The following PCDHA2 variants were observed in gnomAD, a reference collection of about 807,000 sequenced individuals.
PCDHA2 encodes the protein protocadherin alpha-2.
PCDHA2 carries 58 observed loss-of-function variants against 66.0 expected under a neutral mutation model. That is an observed-to-expected ratio of 0.88 (90% CI 0.71 to 1.09). The LOEUF is 1.09. PCDHA2 is among the 50% of genes least tolerant of loss of function. PCDHA2 has a pLI of 0.00. For missense variants in PCDHA2, 1,267 were observed against 1,242.3 expected (o/e 1.02, Z -0.30); for synonymous variants, 634 against 554.0 (o/e 1.14, Z -2.03).
At chr5:140,816,373 T>C (rs2126671118) in intron 1 of PCDHA2, 4 of 152,242 alleles carry the variant, frequency 2.6e-5, no homozygotes, top group Non-Finnish European at 4.4e-5. Flanking sequence ...ATATTTTCTA[T>C]CTGCTGAAAT....
At chr5:140,875,644 G>A in intron 1 of PCDHA2, 1 of 1,613,736 alleles carries the variant, frequency 6.2e-7, no homozygotes, top group Non-Finnish European at 8.5e-7. Flanking sequence ...GGAGCTGGCG[G>A]AGCTGGTGCC....
At chr5:140,851,276 T>C in intron 1 of PCDHA2, 3 of 1,056,768 alleles carry the variant, frequency 2.8e-6, no homozygotes, top group Non-Finnish European at 3.5e-6. Context: ...TTGTATTGTT[T>C]ATAAGAAACC....
chr5:140,841,949 T>C, intron 1 of PCDHA2: 1 of 1,613,920 alleles, frequency 6.2e-7, no homozygotes, highest in Non-Finnish European at 8.5e-7. Flanking sequence ...TGCGCACCAC[T>C]TATTCCTGAC....
chr5:140,911,234 C>T (rs1554194655), intron 1 of PCDHA2, among the ~76,000 whole-genome samples: 1 of 151,890 alleles, frequency 6.6e-6, no homozygotes, highest in East Asian at 1.9e-4. Context: ...TTTCTTCTGG[C>T]AAAAAAAGTT....
chr5:140,823,878 C>A lies in PCDHA2; in HGVS notation c.2388+26526C>A, dbSNP rs142924665. On this transcript the variant is annotated intron_variant, in intron 1 of 3. Coordinates refer to ENST00000526136, the MANE Select transcript of PCDHA2 (RefSeq NM_018905.3). The stretch of plus-strand genomic sequence containing the variant: ...TGGATGTCAACGTGTACCTGATCAT[C>A]GCCATCTGTGCGGTGTCCAGCCTGC... 6,707 of 1,613,924 alleles carry A rather than the reference C, an allele frequency of 4.2e-3. 22 individuals are homozygous for A. Among genetic ancestry groups the A allele is most frequent in the Non-Finnish European group, 5.2e-3 (6,149 of 1,179,944 alleles).
At chr5:140,821,880 G>A (rs2150111608) in intron 1 of PCDHA2, 4 of 1,614,104 alleles carry the variant, frequency 2.5e-6, no homozygotes, top group Non-Finnish European at 3.4e-6. Flanking sequence ...ACTCGATCCC[G>A]GAGGAAGCCA....
At chr5:140,884,440 G>A in intron 1 of PCDHA2, 1 of 1,613,830 alleles carries the variant, frequency 6.2e-7, no homozygotes, top group Non-Finnish European at 8.5e-7. Flanking sequence ...TGCGGTGCTC[G>A]GCACCGCCCA....
chr5:140,887,885 A>G (rs1281444456), intron 1 of PCDHA2, among the ~76,000 whole-genome samples: 1 of 152,144 alleles, frequency 6.6e-6, no homozygotes, highest in Non-Finnish European at 1.5e-5. Context: ...TTGTAGTATC[A>G]TATCTGTTAA....
At chr5:140,810,443 T>C (rs1764661683) in intron 1 of PCDHA2, 1 of 152,240 alleles carries the variant, frequency 6.6e-6, no homozygotes, top group Non-Finnish European at 1.5e-5. Context: ...CCTGTTTACA[T>C]TCCTAGTAGT....
intron 1 of PCDHA2, among the ~76,000 whole-genome samples, chr5:140,826,336 T>G (rs1768901629): frequency 6.6e-6 from 1 of 152,166 alleles, no homozygotes; most frequent in Non-Finnish European, 1.5e-5. Context: ...GTTAAGAAAT[T>G]GAACCCTTTG....
At chr5:140,917,324 C>CGGGGGGGGG (rs1299895515) in intron 1 of PCDHA2, among the ~76,000 whole-genome samples, 1 of 76,048 alleles carries the variant, frequency 1.3e-5, no homozygotes, top group Non-Finnish European at 2.9e-5. Context: ...GTTCATGTGG[C>CGGGGGGGGG]GGGGGAGGGG....
At chr5:140,872,812 C>G (rs1233699706) in intron 1 of PCDHA2, among the ~76,000 whole-genome samples, 2 of 152,144 alleles carry the variant, frequency 1.3e-5, no homozygotes, top group African/African-American at 4.8e-5. Context: ...ATAAGTTTTT[C>G]AGATTCATCT....
At chr5:140,902,038 A>G (rs900077287) in intron 1 of PCDHA2, among the ~76,000 whole-genome samples, 13 of 152,040 alleles carry the variant, frequency 8.6e-5, no homozygotes, top group African/African-American at 2.9e-4. Context: ...TAATTTTTGT[A>G]TGTTGATTTT....
intron 1 of PCDHA2, chr5:140,927,606 C>T: frequency 6.2e-7 from 1 of 1,614,202 alleles, no homozygotes; most frequent in Non-Finnish European, 8.5e-7. Context: ...GCTCCGTATA[C>T]CGCACCAAGG....
chr5:140,903,962 G>C (rs548680386), intron 1 of PCDHA2, among the ~76,000 whole-genome samples: 21 of 152,226 alleles, frequency 1.4e-4, no homozygotes. Flanking sequence ...ATTATTTGTT[G>C]ATTTTTGGTC....
chr5:140,882,286 A>G lies in PCDHA2; in HGVS notation c.2388+84934A>G, dbSNP rs13357748. The G allele has an allele frequency of 8.5e-4, 1,378 of 1,613,102 alleles. 12 individuals are homozygous for G. In the African/African-American group the frequency reaches 0.015, roughly 17 times the overall value. Reference sequence around the variant, plus strand: ...AGTGTACCATGCTGTCTTCCTGGCAAGGAGGCCCAAGACCGCGGCAACTAC... The same window carrying G: ...AGTGTACCATGCTGTCTTCCTGGCAGGGAGGCCCAAGACCGCGGCAACTAC... On this transcript the variant is annotated intron_variant, in intron 1 of 3. Transcript: ENST00000526136.
At chr5:140,904,214 C>T (rs2070953663) in intron 1 of PCDHA2, among the ~76,000 whole-genome samples, 1 of 151,882 alleles carries the variant, frequency 6.6e-6, no homozygotes, top group South Asian at 2.1e-4. Flanking sequence ...TCCCCAAAGT[C>T]CATTGTATTA....
At chr5:140,817,205 GC>G (rs1245183463) in intron 1 of PCDHA2, 1 of 152,298 alleles carries the variant, frequency 6.6e-6, no homozygotes, top group Non-Finnish European at 1.5e-5. Context: ...CTGAATGCAT[GC>G]TTTACTTTCT....
chr5:140,837,058 T>C, intron 1 of PCDHA2: 1 of 190,160 alleles, frequency 5.3e-6, no homozygotes, highest in Non-Finnish European at 1.1e-5. Flanking sequence ...TACATTTCCA[T>C]ATTTTGATAA....
Sources: gnomAD v4.1 joint callset for allele counts (sites outside exome capture counted in the v4.1 genomes callset) on GRCh38, gnomAD v4.1.1 for gene constraint, MANE v1.5 for transcripts, NCBI Gene and HGNC (gene_info 2026-07-23, HGNC 2026-07-21) for gene names.